The following MSL2 variants were observed in gnomAD, a reference collection of about 807,000 sequenced individuals.
The protein encoded by MSL2 is MSL complex subunit 2.
In MSL2, 2 loss-of-function variants were observed where a neutral mutation model predicts 35.8. That is an observed-to-expected ratio of 0.06 (90% confidence interval 0.02 to 0.18). MSL2 has a LOEUF of 0.18. MSL2 is among the 10% of genes least tolerant of loss of function. The pLI is 1.00. For synonymous variants in MSL2, 296 were observed against 255.7 expected, an observed-to-expected ratio of 1.16 and a Z score of -1.50; for missense variants, 523 against 706.7, an observed-to-expected ratio of 0.74 and a Z score of 2.95.
At chr3:136,154,127 G>C (rs561413712) in intron 1 of MSL2, among the ~76,000 whole-genome samples, 2 of 150,008 alleles carry the variant, frequency 1.3e-5, no homozygotes, top group Admixed American at 1.3e-4. Context: ...AGAGAACTAT[G>C]TTCAACTACA....
rs192684350 is a variant in MSL2 at position 136,183,964 on chromosome 3, A to G, written c.142+11008T>C. 1.3e-4 allele frequency among the ~76,000 whole-genome samples: 20 copies of G among 152,368 alleles called. No homozygotes were observed. The East Asian group carries it at 3.5e-3, about 26-fold the overall frequency. ...CAATCCTGACTCTTATCCAGGTAAT[A>G]AGATTTCACAAAATAATTGAAGATC... On this transcript the variant is annotated intron_variant, in intron 1 of 1. Coordinates refer to ENST00000309993, the MANE Select transcript of MSL2 (RefSeq NM_018133.4).
intron 1 of MSL2, 73 bp downstream of exon 1, chr3:136,194,899 C>T (rs1164321622): frequency 2.0e-5 from 32 of 1,598,710 alleles, no homozygotes; most frequent in Middle Eastern, 1.7e-4. Context: ...GGCCGTCAAC[C>T]CGCTCACGTT....
intron 1 of MSL2, among the ~76,000 whole-genome samples, chr3:136,157,114 A>G (rs1197791139): frequency 6.6e-6 from 1 of 152,158 alleles, no homozygotes; most frequent in East Asian, 1.9e-4. Context: ...ATCCCAAACT[A>G]ATCAGGTTAA....
intron 1 of MSL2, chr3:136,194,252 T>C (rs1940770096): frequency 5.0e-6 from 1 of 200,410 alleles, no homozygotes; most frequent in Non-Finnish European, 8.9e-6. Flanking sequence ...TTAGACAATT[T>C]AGCATATCTC....
In MSL2 at chr3:136,149,114, T is replaced by C. The variant is rs935939177; in HGVS notation, c.*2033A>G. 2 of 144,166 alleles carry C rather than the reference T, an allele frequency of 1.4e-5. No individual in the cohort carries two copies. Among genetic ancestry groups the C allele is most frequent in the African/African-American group, 5.3e-5 (2 of 37,852 alleles). The allele number at this position is 144,166 out of a possible 1,614,324, so 8.9% of individuals were successfully genotyped here. A position where few individuals can be genotyped will look rare whatever the true frequency, so the allele number is the denominator to read the frequency against. The stretch of plus-strand genomic sequence containing the variant: ...CTTTGTCTATATTGCCAACCTCCCA[T>C]GCATCAAAAAAAAAAAAAAACCCAC... On this transcript the variant is annotated 3_prime_UTR_variant, in exon 2 of 2. Transcript: ENST00000309993.
At position 136,184,033 on chromosome 3, in the gene MSL2, T is replaced by C. The variant is rs548299166; in HGVS notation, c.142+10939A>G. Among the ~76,000 whole-genome samples the C allele has an allele frequency of 4.3e-3, 660 of 152,256 alleles. 3 individuals are homozygous for C. The highest frequency in any genetic ancestry group is 5.8e-3 in the Non-Finnish European group (391 of 67,998). On this transcript the variant is annotated intron_variant, in intron 1 of 1. Coordinates refer to ENST00000309993, the MANE Select transcript of MSL2 (RefSeq NM_018133.4). ...GGTCCTGGCCAGGCGTGGTGGCTCATGCCTGTAATCGCAGCACTTTGGGAG... is the reference window on the plus strand; with the variant it reads ...GGTCCTGGCCAGGCGTGGTGGCTCACGCCTGTAATCGCAGCACTTTGGGAG...
chr3:136,171,912 AGG>A (rs1940036451), intron 1 of MSL2, among the ~76,000 whole-genome samples: 1 of 152,074 alleles, frequency 6.6e-6, no homozygotes, highest in Admixed American at 6.6e-5. Context: ...TTTTGGAGAC[AGG>A]GTCCCACTCT....
At chr3:136,182,087 T>A (rs963866220) in intron 1 of MSL2, among the ~76,000 whole-genome samples, 25 of 152,244 alleles carry the variant, frequency 1.6e-4, no homozygotes, top group African/African-American at 6.0e-4. Flanking sequence ...AAATCTAAGT[T>A]CTTTAAATGT....
At chr3:136,179,197 T>A (rs574437772) in intron 1 of MSL2, among the ~76,000 whole-genome samples, 1 of 152,026 alleles carries the variant, frequency 6.6e-6, no homozygotes, top group Non-Finnish European at 1.5e-5. Flanking sequence ...CACTTTTTTC[T>A]TTTTTAAAGA....
chr3:136,177,559 G>A (rs1432341220), intron 1 of MSL2, among the ~76,000 whole-genome samples: 4 of 151,554 alleles, frequency 2.6e-5, no homozygotes, highest in Non-Finnish European at 4.4e-5. Context: ...GGCACCTGTA[G>A]TCCCAGCTAC....
intron 1 of MSL2, among the ~76,000 whole-genome samples, chr3:136,183,230 G>A (rs1033212787): frequency 1.3e-5 from 2 of 151,644 alleles, no homozygotes; most frequent in African/African-American, 4.9e-5. Context: ...GAAAATGAAA[G>A]ATGATAGAAT....
At chr3:136,159,565 T>C (rs1266102585) in intron 1 of MSL2, among the ~76,000 whole-genome samples, 6 of 148,466 alleles carry the variant, frequency 4.0e-5, no homozygotes, top group South Asian at 2.1e-4. Flanking sequence ...AGAGACGAGG[T>C]TTCACCGTGT....
Position 136,156,716 on chromosome 3 carries a change from G to A in MSL2, c.143-3978C>T, listed in dbSNP as rs190201450. On this transcript the variant is annotated intron_variant, in intron 1 of 1. Transcript: ENST00000309993. The stretch of plus-strand genomic sequence containing the variant: ...CATCAATACAAAAAATTAGCCGGGC[G>A]TGGTGGCAGCCGCCTGTAGTCCCAG... Among the ~76,000 whole-genome samples, 206 of 152,234 alleles carry A rather than the reference G, an allele frequency of 1.4e-3. 1 individual carries two copies. The highest frequency in any genetic ancestry group is 4.4e-3 in the African/African-American group (182 of 41,552).
At chr3:136,192,979 T>G (rs1032742800) in intron 1 of MSL2, among the ~76,000 whole-genome samples, 1 of 152,186 alleles carries the variant, frequency 6.6e-6, no homozygotes, top group East Asian at 1.9e-4. Flanking sequence ...TGAACCTACA[T>G]CCCTATTACT....
intron 1 of MSL2, among the ~76,000 whole-genome samples, chr3:136,188,153 G>A (rs995845924): frequency 1.3e-5 from 2 of 152,154 alleles, no homozygotes; most frequent in Non-Finnish European, 2.9e-5. Flanking sequence ...ATGTCCACTA[G>A]GCCAGGCGCA....
In MSL2 at chr3:136,195,510, G is replaced by A. The variant is rs1940812773; in HGVS notation, c.-397C>T. 1 of 1,011,932 alleles carries A rather than the reference G, an allele frequency of 9.9e-7. No homozygotes were observed. The highest frequency in any genetic ancestry group is 1.7e-5 in the African/African-American group (1 of 57,496). 62.7% of individuals were successfully genotyped at this position (1,011,932 alleles called of 1,614,324 possible). On this transcript the variant is annotated 5_prime_UTR_variant, in exon 1 of 2. Coordinates refer to ENST00000309993, the MANE Select transcript of MSL2 (RefSeq NM_018133.4). Reference sequence around the variant, plus strand: ...CGGAGGCGCCTCCTCAAGTCGAGCTGGCAGGCGCGGGAGCAGGCCCCGGCC... The same window carrying A: ...CGGAGGCGCCTCCTCAAGTCGAGCTAGCAGGCGCGGGAGCAGGCCCCGGCC...
chr3:136,184,169 G>A (rs1019574059), intron 1 of MSL2, among the ~76,000 whole-genome samples: 2 of 152,010 alleles, frequency 1.3e-5, no homozygotes, highest in Non-Finnish European at 1.5e-5. Context: ...GACGGTGGGC[G>A]CCTGTAGTCC....
chr3:136,191,519 C>T (rs1378039725), intron 1 of MSL2, among the ~76,000 whole-genome samples: 1 of 151,108 alleles, frequency 6.6e-6, no homozygotes, highest in Admixed American at 6.6e-5. Context: ...GTGGCTTACA[C>T]CTGTAATGCC....
chr3:136,176,187 G>C (rs1053682870), intron 1 of MSL2, among the ~76,000 whole-genome samples: 13 of 152,140 alleles, frequency 8.5e-5, no homozygotes, highest in African/African-American at 3.1e-4. Flanking sequence ...GTTGTGTGCA[G>C]GCATATTTTA....
Sources: allele counts gnomAD v4.1 joint callset (sites outside exome capture counted in the v4.1 genomes callset), GRCh38; gene constraint gnomAD v4.1.1; transcripts MANE v1.5; gene names NCBI Gene and HGNC (gene_info 2026-07-23, HGNC 2026-07-21).